Variants in NRG3 observed in about 807,000 individuals in gnomAD.
NRG3 encodes the protein neuregulin 3.
Under a neutral mutation model 66.9 loss-of-function variants are expected in NRG3, and 31 were observed. The ratio of observed to expected loss-of-function variants is 0.46; its 90% CI spans 0.35 to 0.63. The LOEUF is 0.63. NRG3 is among the 20% of genes least tolerant of loss of function. The probability of loss-of-function intolerance (pLI) is 0.00; values close to 1 mark genes in which losing one functional copy is unlikely to be tolerated. For synonymous variants in NRG3, 393 were observed against 359.4 expected (o/e 1.09, Z -1.06); for missense variants, 910 against 878.9 (o/e 1.04, Z -0.45).
At position 82,358,742 on chromosome 10, in the gene NRG3, C is replaced by A. The variant is rs760046822; in HGVS notation, c.827C>A (p.Thr276Lys). 3 of 1,614,052 alleles carry A rather than the reference C, an allele frequency of 1.9e-6. No individual in the cohort carries two copies. The highest frequency in any genetic ancestry group is 1.7e-6 in the Non-Finnish European group (2 of 1,179,968). Residue 276 changes from threonine to lysine, a missense_variant, in exon 2 of 9, where the codon ACG (threonine) becomes AAG (lysine). Physicochemically the swap from Thr to Lys is moderately conservative, Grantham distance 78. Transcript: ENST00000372141. Reference protein sequence around the residue: ...PETSTSPKFHTTTYSTERSEH... With the variant: ...PETSTSPKFHKTTYSTERSEH... Reference sequence around the variant, plus strand: ...CCCCCTGTGCTTTCCCTGACAGATACGACGACATATTCCACAGAGCGATCC... The same window carrying A: ...CCCCCTGTGCTTTCCCTGACAGATAAGACGACATATTCCACAGAGCGATCC...
intron 6 of NRG3, among the ~76,000 whole-genome samples, chr10:82,969,650 A>C (rs776869772): frequency 3.3e-4 from 50 of 152,238 alleles, no homozygotes; most frequent in Non-Finnish European, 5.7e-4. Context: ...ATTGAAAATA[A>C]AACATTTAAT....
intron 1 of NRG3, among the ~76,000 whole-genome samples, chr10:82,261,585 AAG>A (rs1484990385): frequency 3.3e-5 from 5 of 152,178 alleles, no homozygotes; most frequent in African/African-American, 1.2e-4. Context: ...GAGAGCCCCA[AAG>A]AGAGATTTAC....
At chr10:82,508,745 C>T (rs1376479090) in intron 2 of NRG3, among the ~76,000 whole-genome samples, 4 of 152,128 alleles carry the variant, frequency 2.6e-5, no homozygotes, top group African/African-American at 9.7e-5. Flanking sequence ...AAGTGGGATG[C>T]TGGAACGATA....
At chr10:82,052,348 G>C (rs953203911) in intron 1 of NRG3, among the ~76,000 whole-genome samples, 1 of 151,854 alleles carries the variant, frequency 6.6e-6, no homozygotes, top group African/African-American at 2.4e-5. Context: ...TAGCCCATGG[G>C]GTCATATCAG....
In NRG3 at chr10:82,746,435, G is replaced by T. The variant is rs370655463; in HGVS notation, c.1027+7785G>T. On this transcript the variant is annotated intron_variant, in intron 3 of 8. Transcript: ENST00000372141. ...TGAAGACAGTTCCCAACTGGTTCTCGGTTCTCCTGTGTGGTCCACAGCTAT... is the reference window on the plus strand; with the variant it reads ...TGAAGACAGTTCCCAACTGGTTCTCTGTTCTCCTGTGTGGTCCACAGCTAT... 5.3e-5 allele frequency among the ~76,000 whole-genome samples: 8 copies of T among 152,234 alleles called. No individual in the cohort carries two copies. The East Asian group carries it at 9.7e-4, about 18-fold the overall frequency.
At chr10:82,172,979 C>T (rs748699768) in intron 1 of NRG3, among the ~76,000 whole-genome samples, 1 of 152,068 alleles carries the variant, frequency 6.6e-6, no homozygotes, top group Non-Finnish European at 1.5e-5. Context: ...ACCACAGGCT[C>T]CTAATATGAA....
chr10:82,017,167 G>A (rs1025461302), intron 1 of NRG3, among the ~76,000 whole-genome samples: 1 of 152,104 alleles, frequency 6.6e-6, no homozygotes. Flanking sequence ...TCCCACCTGT[G>A]AGTGAGAACA....
intron 2 of NRG3, among the ~76,000 whole-genome samples, chr10:82,585,142 T>A (rs1590770349): frequency 6.6e-6 from 1 of 152,092 alleles, no homozygotes; most frequent in East Asian, 1.9e-4. Context: ...CCCAGAGATA[T>A]ACCCAGCTCT....
intron 1 of NRG3, among the ~76,000 whole-genome samples, chr10:82,157,283 T>C (rs1168663179): frequency 6.6e-6 from 1 of 151,764 alleles, no homozygotes. Flanking sequence ...AAAGAAAGTA[T>C]ATTGCTTTTG....
intron 1 of NRG3, among the ~76,000 whole-genome samples, chr10:81,885,980 C>A (rs1288804028): frequency 6.6e-6 from 1 of 151,212 alleles, no homozygotes; most frequent in Non-Finnish European, 1.5e-5. Flanking sequence ...CAGTATGATA[C>A]TCTCTGTTTC....
chr10:82,835,931 T>C (rs2062752165), intron 3 of NRG3, among the ~76,000 whole-genome samples: 1 of 152,136 alleles, frequency 6.6e-6, no homozygotes, highest in African/African-American at 2.4e-5. Context: ...TTGGATTAAG[T>C]GATTCCAAGA....
intron 2 of NRG3, among the ~76,000 whole-genome samples, chr10:82,378,390 A>G (rs571971819): frequency 6.6e-6 from 1 of 152,280 alleles, no homozygotes; most frequent in Non-Finnish European, 1.5e-5. Flanking sequence ...GCAAAGACTG[A>G]TTCACTTTCA....
intron 5 of NRG3, among the ~76,000 whole-genome samples, chr10:82,952,453 G>GGC (rs1849620539): frequency 1.8e-5 from 2 of 111,536 alleles, no homozygotes; most frequent in African/African-American, 3.6e-5. Context: ...AGATATAAAC[G>GGC]TCTCTCTCTC....
intron 2 of NRG3, among the ~76,000 whole-genome samples, chr10:82,435,774 C>CT (rs2090098724): frequency 8.2e-6 from 1 of 121,430 alleles, no homozygotes; most frequent in African/African-American, 3.1e-5. Context: ...AGTTTCTTTT[C>CT]TTTTCTTTTT....
intron 1 of NRG3, among the ~76,000 whole-genome samples, chr10:81,878,414 G>C (rs527675178): frequency 7.9e-5 from 12 of 152,300 alleles, no homozygotes; most frequent in Non-Finnish European, 1.3e-4. Flanking sequence ...GGATTATGTA[G>C]TTTTCATAAA....
intron 2 of NRG3, among the ~76,000 whole-genome samples, chr10:82,616,895 A>G (rs909348916): frequency 2.0e-5 from 3 of 152,178 alleles, no homozygotes; most frequent in Non-Finnish European, 2.9e-5. Flanking sequence ...TTCTCAACCT[A>G]TGTCAGTGTT....
chr10:82,398,526 T>TGA (rs10690548), intron 2 of NRG3, among the ~76,000 whole-genome samples: 2,986 of 136,456 alleles, frequency 0.022, 81 homozygotes, highest in African/African-American at 0.075. Context: ...TGTGTGTGTG[T>TGA]GAGAGAGAGA....
At chr10:82,237,983 G>T (rs1004379162) in intron 1 of NRG3, among the ~76,000 whole-genome samples, 3 of 152,218 alleles carry the variant, frequency 2.0e-5, no homozygotes, top group Admixed American at 2.0e-4. Flanking sequence ...ATTGGTAAAA[G>T]AAATATTTTA....
At chr10:82,498,779 ACC>A (rs1316228339) in intron 2 of NRG3, among the ~76,000 whole-genome samples, 1 of 152,148 alleles carries the variant, frequency 6.6e-6, no homozygotes, top group Non-Finnish European at 1.5e-5. Flanking sequence ...TGTTGCCTCA[ACC>A]CAGGTATTCA....
Sources: allele counts gnomAD v4.1 joint callset (sites outside exome capture counted in the v4.1 genomes callset), GRCh38; gene constraint gnomAD v4.1.1; transcripts MANE v1.5; gene names NCBI Gene and HGNC (gene_info 2026-07-23, HGNC 2026-07-21).